Variants in UBAC1 observed in about 807,000 individuals in gnomAD.
UBAC1 encodes ubiquitin-associated domain-containing protein 1.
In UBAC1, 27 loss-of-function variants were observed where a neutral mutation model predicts 45.9. The observed-to-expected ratio is 0.59, with a 90% CI of 0.43 to 0.81. UBAC1 has a LOEUF of 0.81. Ranked by LOEUF, UBAC1 falls within the 30% of genes least tolerant of loss-of-function variation. The pLI is 0.00. For missense variants in UBAC1, 529 were observed against 539.2 expected (o/e 0.98, Z 0.19); for synonymous variants, 227 against 215.5 (o/e 1.05, Z -0.47).
intron 1 of UBAC1, among the ~76,000 whole-genome samples, chr9:135,957,608 C>G (rs1000333107): frequency 6.6e-6 from 1 of 151,806 alleles, no homozygotes; most frequent in East Asian, 1.9e-4. Flanking sequence ...ACCCCCACCC[C>G]ACTCCATCCT....
intron 1 of UBAC1, among the ~76,000 whole-genome samples, chr9:135,956,037 T>G (rs1240226053): frequency 6.6e-6 from 1 of 152,072 alleles, no homozygotes; most frequent in Non-Finnish European, 1.5e-5. Flanking sequence ...CTGGGCGGCT[T>G]GAAGGTGGAC....
At position 135,938,312 on chromosome 9, in the gene UBAC1, T is replaced by C. The variant is rs146809302; in HGVS notation, c.1012A>G (p.Lys338Glu). Residue 338 changes from lysine (K) to glutamate (E), a missense_variant, in exon 9 of 10, where the codon AAG becomes GAG. Transcript: ENST00000371756. ...AGAGGACTGTCGGGGTCGATGCCCTTGTCCAGCTCCTCCGGAGAGGGCTTC... is the reference window on the plus strand; with the variant it reads ...AGAGGACTGTCGGGGTCGATGCCCTCGTCCAGCTCCTCCGGAGAGGGCTTC... The part of the protein sequence containing the change: ...DRKPSPEELD[K>E]GIDPDSPLFQ... 710 of 1,614,000 alleles carry C rather than the reference T, an allele frequency of 4.4e-4. No individual in the cohort carries two copies. The highest frequency in any genetic ancestry group is 5.8e-4 in the Non-Finnish European group (685 of 1,180,034).
rs143729310 is a variant in UBAC1 at position 135,943,423 on chromosome 9, A to G, written c.876+1605T>C. 3.4e-3 allele frequency among the ~76,000 whole-genome samples: 511 copies of G among 152,302 alleles called. 2 individuals are homozygous for G. The highest frequency in any genetic ancestry group is 0.011 in the African/African-American group (472 of 41,562). ...CACAATGAGATACCATCTCATGCCA[A>G]TCAGAATGATGATTATTAAAAAGTC... On this transcript the variant is annotated intron_variant, in intron 7 of 9. Coordinates refer to ENST00000371756, the MANE Select transcript of UBAC1 (RefSeq NM_016172.3).
At chr9:135,946,146 G>T in intron 5 of UBAC1, 123 bp downstream of exon 5, 1 of 1,009,284 alleles carries the variant, frequency 9.9e-7, no homozygotes, top group Non-Finnish European at 1.5e-6. Context: ...CAGGCCCCAG[G>T]CCCTCATCAG....
chr9:135,960,111 G>C (rs1271136436), intron 1 of UBAC1, among the ~76,000 whole-genome samples: 2 of 152,176 alleles, frequency 1.3e-5, no homozygotes, highest in Non-Finnish European at 2.9e-5. Flanking sequence ...CAGATACGTC[G>C]TAACTTATCA....
In UBAC1 at chr9:135,945,986, C is replaced by A. The variant is rs762294104; in HGVS notation, c.556G>T (p.Glu186Ter). 2 of 1,613,782 alleles carry A rather than the reference C, an allele frequency of 1.2e-6. No homozygotes were observed. The highest frequency in any genetic ancestry group is 1.7e-6 in the Non-Finnish European group (2 of 1,180,032). ...LFKKANAMLD[E>*]DEDERVDEAA... is the part of the protein sequence containing the mutation. ...TCGTCCACACGCTCATCCTCGTCCT[C>A]GTCCAGCATTGCTGCAGGGAGACGA... is the stretch of plus-strand genomic sequence containing the variant. Residue 186 changes from glutamate (E) to a stop codon, truncating the protein, a stop_gained, in exon 6 of 10, where the codon GAG becomes TAG. Coordinates refer to ENST00000371756, the MANE Select transcript of UBAC1 (RefSeq NM_016172.3). LOFTEE classifies it high-confidence loss of function.
At chr9:135,958,430 G>C (rs1839493477) in intron 1 of UBAC1, among the ~76,000 whole-genome samples, 2 of 152,192 alleles carry the variant, frequency 1.3e-5, no homozygotes, top group South Asian at 4.1e-4. Flanking sequence ...GGCAATGGAA[G>C]CTAGAGGCCA....
chr9:135,949,428 A>C (rs1290558942), intron 3 of UBAC1, among the ~76,000 whole-genome samples: 1 of 152,220 alleles, frequency 6.6e-6, no homozygotes, highest in Admixed American at 6.5e-5. Flanking sequence ...CGGACATAGC[A>C]AAGAGAAAAA....
chr9:135,961,270 GGCC>G lies in UBAC1; in HGVS notation c.-111_-109del. ...AGACCGCCCGCGCGCTCCTTCGCTGGGCCGCCGCCCCGCCCCGGCTCCCGTCGG... is the reference window on the plus strand; with the variant it reads ...AGACCGCCCGCGCGCTCCTTCGCTGGGCCGCCCCGCCCCGGCTCCCGTCGG... On this transcript the variant is annotated 5_prime_UTR_variant, in exon 1 of 10. Coordinates refer to ENST00000371756, the MANE Select transcript of UBAC1 (RefSeq NM_016172.3). 9.8e-7 allele frequency: 1 copy of G among 1,021,666 alleles called. No individual in the cohort carries two copies. The highest frequency in any genetic ancestry group is 1.2e-6 in the Non-Finnish European group (1 of 825,186). 63.3% of individuals were successfully genotyped at this position (1,021,666 alleles called of 1,614,324 possible). A position where few individuals can be genotyped will look rare whatever the true frequency, so the allele number is the denominator to read the frequency against.
chr9:135,947,356 A>C (rs1437434641), intron 4 of UBAC1, among the ~76,000 whole-genome samples: 3 of 151,524 alleles, frequency 2.0e-5, no homozygotes, highest in African/African-American at 7.3e-5. Context: ...GGTTCAAGTG[A>C]TTCTCCTGTC....
chr9:135,957,434 T>A (rs79085806), intron 1 of UBAC1, among the ~76,000 whole-genome samples: 1 of 152,094 alleles, frequency 6.6e-6, no homozygotes, highest in Non-Finnish European at 1.5e-5. Flanking sequence ...ATAATTCTCA[T>A]ACTGATTCCC....
At position 135,934,159 on chromosome 9, in the gene UBAC1, G is replaced by C. The variant is rs932322394; in HGVS notation, c.1103-644C>G. Among the ~76,000 whole-genome samples the C allele has an allele frequency of 3.3e-5, 5 of 152,160 alleles. No individual in the cohort carries two copies. The East Asian group carries it at 5.8e-4, about 18-fold the overall frequency. On this transcript the variant is annotated intron_variant, in intron 9 of 9. Transcript: ENST00000371756. ...GCTCCATGCTGACCTGACACACATG[G>C]ACGCACTTCAGCATAAGTGGCCCCA...
rs139971113 is a variant in UBAC1, at chr9:135,958,538, G to C, written c.138+2487C>G. ...CCTTGATTCAGGAGTGCACACCCAGGAGCACAGCAGGGAGAAGCCGACATC... is the reference window on the plus strand; with the variant it reads ...CCTTGATTCAGGAGTGCACACCCAGCAGCACAGCAGGGAGAAGCCGACATC... On this transcript the variant is annotated intron_variant, in intron 1 of 9. Coordinates refer to ENST00000371756, the MANE Select transcript of UBAC1 (RefSeq NM_016172.3). Among the ~76,000 whole-genome samples the C allele has an allele frequency of 7.6e-4, 116 of 152,258 alleles. 2 individuals carry two copies. The East Asian group carries it at 0.019, about 25-fold the overall frequency.
intron 9 of UBAC1, among the ~76,000 whole-genome samples, chr9:135,935,839 A>C (rs924646156): frequency 2.0e-5 from 3 of 152,142 alleles, no homozygotes; most frequent in African/African-American, 7.2e-5. Flanking sequence ...ATCCTGGCTA[A>C]CACGGTGAAA....
intron 8 of UBAC1, 112 bp downstream of exon 8, chr9:135,939,561 A>C: frequency 1.9e-6 from 2 of 1,026,474 alleles, no homozygotes; most frequent in Non-Finnish European, 1.4e-6. Flanking sequence ...CACACTCACC[A>C]CAGCCCACAC....
At chr9:135,939,575 C>G in intron 8 of UBAC1, 98 bp downstream of exon 8, 1 of 1,229,946 alleles carries the variant, frequency 8.1e-7, no homozygotes, top group Non-Finnish European at 1.2e-6. Context: ...CCCACACTCA[C>G]TCACCACAGC....
chr9:135,933,361 G>C lies in UBAC1; in HGVS notation c.*39C>G. On this transcript the variant is annotated 3_prime_UTR_variant, in exon 10 of 10. Transcript: ENST00000371756. The stretch of plus-strand genomic sequence containing the variant: ...CTGCCCGGTCTCGGGCCGCACCAGG[G>C]GGCTGCTGTGGCCTGATAGCCGAGT... The C allele has an allele frequency of 1.3e-6, 2 of 1,564,628 alleles. No individual in the cohort carries two copies. The highest frequency in any genetic ancestry group is 1.8e-6 in the Non-Finnish European group (2 of 1,135,002).
In UBAC1 at chr9:135,938,378, C is replaced by G. The variant is rs559234051; in HGVS notation, c.964-18G>C. ...CACTCGCACTGCAAAGCCAAGAGCA[C>G]CAATACCACTGTTAGCGCCTTCAGT... On this transcript the variant is annotated intron_variant, in intron 8 of 9. Transcript: ENST00000371756. 8.1e-6 allele frequency: 13 copies of G among 1,611,394 alleles called. No homozygotes were observed. In the East Asian group the frequency reaches 2.7e-4, roughly 33 times the overall value.
chr9:135,937,066 G>A (rs565450658), intron 9 of UBAC1, among the ~76,000 whole-genome samples: 3 of 152,336 alleles, frequency 2.0e-5, no homozygotes, highest in South Asian at 2.1e-4. Flanking sequence ...GCTTCTGAAA[G>A]AAGGCCAGCC....
Sources: gnomAD v4.1 joint callset for allele counts (sites outside exome capture counted in the v4.1 genomes callset) on GRCh38, gnomAD v4.1.1 for gene constraint, MANE v1.5 for transcripts, NCBI Gene and HGNC (gene_info 2026-07-23, HGNC 2026-07-21) for gene names.